The following ROBO1 variants were observed in gnomAD, a reference collection of about 807,000 sequenced individuals.
ROBO1 encodes roundabout homolog 1.
A neutral mutation model predicts 195.9 loss-of-function variants in ROBO1; 149 were observed. The ratio of observed to expected loss-of-function variants is 0.76; its 90% CI spans 0.67 to 0.87. The LOEUF (loss-of-function observed/expected upper bound fraction) is 0.87, where lower values mean the gene tolerates loss of function less well. Ranked by LOEUF, ROBO1 falls within the 40% of genes least tolerant of loss-of-function variation. ROBO1 has a pLI of 0.00. For missense variants in ROBO1, 1,933 were observed against 2,068.3 expected, an observed-to-expected ratio of 0.93 and a Z score of 1.27; for synonymous variants, 816 against 733.2, an observed-to-expected ratio of 1.11 and a Z score of -1.82.
At position 78,789,996 on chromosome 3, in the gene ROBO1, T is replaced by A. The variant is rs556141295; in HGVS notation, c.500-43096A>T. Among the ~76,000 whole-genome samples the A allele has an allele frequency of 3.3e-5, 5 of 152,324 alleles. No individual in the cohort carries two copies. In the South Asian group the frequency reaches 6.2e-4, roughly 19 times the overall value. ...GAGGCATGCAAACTTACAGCTTTTT[T>A]AAAAGATCTTTTATAATAAATTTAA... is the stretch of plus-strand genomic sequence containing the variant. On this transcript the variant is annotated intron_variant, in intron 4 of 30. Coordinates refer to ENST00000464233, the MANE Select transcript of ROBO1 (RefSeq NM_002941.4).
In ROBO1 at chr3:79,503,656, A is replaced by G. The variant is rs575099587; in HGVS notation, c.88+86168T>C. 2.6e-5 allele frequency among the ~76,000 whole-genome samples: 4 copies of G among 152,356 alleles called. No homozygotes were observed. The South Asian group carries it at 8.3e-4, about 32-fold the overall frequency. ...CAAGATGATATAGGAAGATGAAGAA[A>G]TAAATGAAAAAGCAGCAACTCCCAA... On this transcript the variant is annotated intron_variant, in intron 2 of 30. Transcript: ENST00000464233.
intron 2 of ROBO1, among the ~76,000 whole-genome samples, chr3:79,551,792 C>T (rs1942521983): frequency 6.6e-6 from 1 of 151,474 alleles, no homozygotes; most frequent in Admixed American, 6.6e-5. Flanking sequence ...AGAAAAAGGA[C>T]CTTTCAAAGG....
chr3:79,083,972 G>A (rs1340766556), intron 3 of ROBO1, among the ~76,000 whole-genome samples: 1 of 152,126 alleles, frequency 6.6e-6, no homozygotes, highest in Non-Finnish European at 1.5e-5. Context: ...GAATTACAGT[G>A]TTTTTCACCT....
chr3:79,198,524 C>CT (rs1442895184), intron 2 of ROBO1, among the ~76,000 whole-genome samples: 1 of 151,930 alleles, frequency 6.6e-6, no homozygotes, highest in African/African-American at 2.4e-5. Context: ...TATGAGGGGT[C>CT]TTTTTTGGTT....
intron 10 of ROBO1, among the ~76,000 whole-genome samples, chr3:78,671,548 T>G (rs1366511147): frequency 6.6e-6 from 1 of 151,916 alleles, no homozygotes; most frequent in Admixed American, 6.6e-5. Flanking sequence ...CACTTCAATT[T>G]GCTCCTCATT....
intron 2 of ROBO1, among the ~76,000 whole-genome samples, chr3:79,530,299 G>A (rs949878758): frequency 1.3e-5 from 2 of 151,726 alleles, no homozygotes; most frequent in Non-Finnish European, 2.9e-5. Flanking sequence ...ATGGCATGAG[G>A]TACCACCGAC....
intron 4 of ROBO1, among the ~76,000 whole-genome samples, chr3:78,811,602 C>T (rs1197980177): frequency 1.3e-5 from 2 of 152,054 alleles, no homozygotes; most frequent in African/African-American, 4.8e-5. Context: ...GATCTGGCCC[C>T]TCTCCTACTC....
chr3:79,360,457 TA>T (rs1001928917), intron 2 of ROBO1, among the ~76,000 whole-genome samples: 35 of 151,936 alleles, frequency 2.3e-4, no homozygotes, highest in African/African-American at 8.0e-4. Flanking sequence ...TCTTTTTTAA[TA>T]AAAAAAGAAA....
chr3:79,632,155 A>T (rs939531033), intron 1 of ROBO1, among the ~76,000 whole-genome samples: 1 of 152,162 alleles, frequency 6.6e-6, no homozygotes, highest in African/African-American at 2.4e-5. Flanking sequence ...AAAAGAAAAC[A>T]TTATATCGAA....
At chr3:79,254,149 G>A (rs533231749) in intron 2 of ROBO1, among the ~76,000 whole-genome samples, 1 of 152,066 alleles carries the variant, frequency 6.6e-6, no homozygotes, top group South Asian at 2.1e-4. Flanking sequence ...AATATAAAAT[G>A]GATTATTCTT....
In ROBO1 at chr3:78,667,817, T is replaced by C. The variant is rs766085878; in HGVS notation, c.1966+66A>G. The C allele has an allele frequency of 5.4e-5, 80 of 1,477,534 alleles. 1 individual carries two copies. Among genetic ancestry groups the C allele is most frequent in the South Asian group, 1.4e-4 (11 of 80,390 alleles). 91.5% of individuals were successfully genotyped at this position (1,477,534 alleles called of 1,614,324 possible). A position where few individuals can be genotyped will look rare whatever the true frequency, so the allele number is the denominator to read the frequency against. ...AATTCTAGCATGTAGCACAAGTGAT[T>C]TGTCAGTGCAATTATAACATCTAAG... On this transcript the variant is annotated intron_variant, in intron 14 of 30. Transcript: ENST00000464233.
intron 2 of ROBO1, among the ~76,000 whole-genome samples, chr3:79,229,178 A>C (rs2082278701): frequency 6.6e-6 from 1 of 152,176 alleles, no homozygotes; most frequent in Non-Finnish European, 1.5e-5. Flanking sequence ...TAAGTATGCA[A>C]TTTAAACAAT....
chr3:78,966,359 G>A (rs2076646134), intron 3 of ROBO1, among the ~76,000 whole-genome samples: 2 of 152,118 alleles, frequency 1.3e-5, no homozygotes, highest in African/African-American at 4.8e-5. Flanking sequence ...TTTCAACACT[G>A]GTATACATTA....
At chr3:78,737,768 G>A (rs1231698068) in intron 5 of ROBO1, among the ~76,000 whole-genome samples, 1 of 152,130 alleles carries the variant, frequency 6.6e-6, no homozygotes, top group Non-Finnish European at 1.5e-5. Context: ...CAATAAAGTT[G>A]TGTTGACTTA....
chr3:79,291,513 AAC>A (rs2032246055), intron 2 of ROBO1, among the ~76,000 whole-genome samples: 2 of 152,170 alleles, frequency 1.3e-5, no homozygotes, highest in Non-Finnish European at 2.9e-5. Flanking sequence ...GAACTTCTTC[AAC>A]ACAGTGTTAT....
In ROBO1 at chr3:78,668,466, A is replaced by C; in HGVS notation, c.1630+18T>G. ...CATTTTAAGCTTCACTTTAAGGGAA[A>C]CACACCATTTACTTTACCTTGAACT... On this transcript the variant is annotated intron_variant, in intron 12 of 30. Transcript: ENST00000464233. 1 of 1,613,206 alleles carries C rather than the reference A, an allele frequency of 6.2e-7. No individual in the cohort carries two copies. Among genetic ancestry groups the C allele is most frequent in the East Asian group, 2.2e-5 (1 of 44,872 alleles).
chr3:78,941,694 C>T (rs1377222139), intron 3 of ROBO1, among the ~76,000 whole-genome samples: 4 of 152,126 alleles, frequency 2.6e-5, no homozygotes, highest in Admixed American at 6.5e-5. Flanking sequence ...CACCCAGAGG[C>T]ACAGCTACAG....
chr3:79,736,144 A>T (rs760025096), intron 1 of ROBO1, among the ~76,000 whole-genome samples: 5 of 152,190 alleles, frequency 3.3e-5, no homozygotes, highest in Non-Finnish European at 7.4e-5. Context: ...TCTGAATGAT[A>T]AGAAAAACCA....
intron 2 of ROBO1, among the ~76,000 whole-genome samples, chr3:79,496,403 G>A (rs1420879594): frequency 0.02 from 628 of 31,780 alleles, 21 homozygotes; most frequent in African/African-American, 0.12. Context: ...TTGAGACGGA[G>A]TCTCGCTCTG....
Sources: gnomAD v4.1 joint callset for allele counts (sites outside exome capture counted in the v4.1 genomes callset) on GRCh38, gnomAD v4.1.1 for gene constraint, MANE v1.5 for transcripts, NCBI Gene and HGNC (gene_info 2026-07-23, HGNC 2026-07-21) for gene names.